Variants in NDE1 observed in about 807,000 individuals in gnomAD.
The protein encoded by NDE1 is nuclear distribution protein nudE homolog 1.
Under a neutral mutation model 43.4 loss-of-function variants are expected in NDE1, and 28 were observed. That is an observed-to-expected ratio of 0.65 (90% CI 0.48 to 0.89). The LOEUF is 0.89. Ranked by LOEUF, NDE1 falls within the 40% of genes least tolerant of loss-of-function variation. The probability of loss-of-function intolerance (pLI) is 0.00; values close to 1 mark genes in which losing one functional copy is unlikely to be tolerated. For missense variants in NDE1, 441 were observed against 434.1 expected, an observed-to-expected ratio of 1.02 and a Z score of -0.14; for synonymous variants, 184 against 172.0, an observed-to-expected ratio of 1.07 and a Z score of -0.55.
At chr16:15,699,907 G>C in intron 8 of NDE1, 1 of 1,261,760 alleles carries the variant, frequency 7.9e-7, no homozygotes, top group Non-Finnish European at 1.0e-6. Flanking sequence ...TTTGTTTTAA[G>C]TTAGTTTGAG....
chr16:15,649,013 T>C (rs2036389717), upstream of NDE1, among the ~76,000 whole-genome samples: 1 of 151,784 alleles, frequency 6.6e-6, no homozygotes, highest in African/African-American at 2.4e-5. Context: ...CTGGCCAACA[T>C]GGTGAAACCC....
chr16:15,717,595 GA>G (rs2040230860), intron 8 of NDE1: 1 of 586,350 alleles, frequency 1.7e-6, no homozygotes, highest in South Asian at 2.1e-5. Flanking sequence ...AGGAGTTCGA[GA>G]CCTGCCTGGC....
intron 8 of NDE1, among the ~76,000 whole-genome samples, chr16:15,698,877 T>A (rs970787335): frequency 1.7e-4 from 24 of 145,108 alleles, no homozygotes; most frequent in Admixed American, 5.3e-4. Flanking sequence ...AAAAAAAAAA[T>A]TAATTTTTGT....
chr16:15,714,810 G>C lies in NDE1; in HGVS notation c.948-9381G>C. 4 of 1,431,720 alleles carry C rather than the reference G, an allele frequency of 2.8e-6. No individual in the cohort carries two copies. The South Asian group carries it at 4.6e-5, about 16-fold the overall frequency. The allele number at this position is 1,431,720 out of a possible 1,614,324, so 88.7% of individuals were successfully genotyped here. On this transcript the variant is annotated intron_variant, in intron 8 of 8. Transcript: ENST00000396354. The stretch of plus-strand genomic sequence containing the variant: ...TAAACCACAGAAGGGAGTGGCGGCT[G>C]TGGGCACAAGGGGCATTTGCAGGCC...
chr16:15,713,851 T>A (rs1000073725), intron 8 of NDE1: 2 of 152,528 alleles, frequency 1.3e-5, no homozygotes, highest in Admixed American at 1.3e-4. Flanking sequence ...GGGAACCGGA[T>A]GTTGAGGATG....
Position 15,675,389 on chromosome 16 carries a change from G to T in NDE1, c.238-2412G>T, listed in dbSNP as rs924510296. 2.0e-5 allele frequency among the ~76,000 whole-genome samples: 3 copies of T among 151,016 alleles called. No individual in the cohort carries two copies. In the Admixed American group the frequency reaches 2.0e-4, roughly 10 times the overall value. On this transcript the variant is annotated intron_variant, in intron 3 of 8. Transcript: ENST00000396354. Reference sequence around the variant, plus strand: ...AATTTTTTGTATTTTTAGTAGATACGGGGTTTCGCCATGTTGCCAGGCTGG... The same window carrying T: ...AATTTTTTGTATTTTTAGTAGATACTGGGTTTCGCCATGTTGCCAGGCTGG...
intron 8 of NDE1, among the ~76,000 whole-genome samples, chr16:15,719,874 G>A (rs62029308): frequency 0.012 from 1,867 of 152,260 alleles, 20 homozygotes; most frequent in Non-Finnish European, 0.021. Flanking sequence ...GGCTGGTGGT[G>A]CGCTGGGAGC....
At chr16:15,686,997 A>G in intron 4 of NDE1, 2 of 985,336 alleles carry the variant, frequency 2.0e-6, no homozygotes, top group Non-Finnish European at 2.4e-6. Context: ...TTGCCCAGTC[A>G]TATTAGGTTA....
chr16:15,676,704 C>T lies in NDE1; in HGVS notation c.238-1097C>T, dbSNP rs538573958. 2.0e-5 allele frequency among the ~76,000 whole-genome samples: 3 copies of T among 152,202 alleles called. No individual in the cohort carries two copies. In the South Asian group the frequency reaches 6.2e-4, roughly 32 times the overall value. ...TTCCTTTTGAGGCAGCAGGGAGTTG[C>T]CCAGGCCGGAGTGCAGTGGTGCCTT... On this transcript the variant is annotated intron_variant, in intron 3 of 8. Transcript: ENST00000396354.
chr16:15,707,739 A>G (rs1262923545), intron 8 of NDE1, among the ~76,000 whole-genome samples: 2 of 152,198 alleles, frequency 1.3e-5, no homozygotes, highest in Non-Finnish European at 2.9e-5. Context: ...GGGGAGGCCA[A>G]GGCGCGCGGA....
chr16:15,696,986 C>A, intron 8 of NDE1, 126 bp downstream of exon 8: 1 of 1,539,522 alleles, frequency 6.5e-7, no homozygotes, highest in South Asian at 1.2e-5. Flanking sequence ...CAAACCTTAT[C>A]CTCTCCTCTG....
chr16:15,726,164 C>T lies in NDE1; in HGVS notation c.*1913C>T, dbSNP rs1044511256. 2 of 157,038 alleles carry T rather than the reference C, an allele frequency of 1.3e-5. No individual in the cohort carries two copies. The highest frequency in any genetic ancestry group is 2.8e-5 in the Non-Finnish European group (2 of 71,608). The allele number at this position is 157,038 out of a possible 1,614,324, so 9.7% of individuals were successfully genotyped here. On this transcript the variant is annotated 3_prime_UTR_variant, in exon 9 of 9. Transcript: ENST00000396354. Reference sequence around the variant, plus strand: ...TACACTTGGGCATCATGTGCCTTCCCTTTGCTGCATCATTTGACATTCATT... The same window carrying T: ...TACACTTGGGCATCATGTGCCTTCCTTTTGCTGCATCATTTGACATTCATT...
At chr16:15,670,905 C>T (rs1045190650) in intron 3 of NDE1, among the ~76,000 whole-genome samples, 7 of 152,004 alleles carry the variant, frequency 4.6e-5, no homozygotes, top group Admixed American at 2.0e-4. Context: ...TGGGGCAGGG[C>T]GGAGGAGAGG....
intron 8 of NDE1, among the ~76,000 whole-genome samples, chr16:15,698,895 C>T (rs535148045): frequency 6.6e-6 from 1 of 151,626 alleles, no homozygotes; most frequent in Non-Finnish European, 1.5e-5. Context: ...TGTTTGTTTT[C>T]TTTCTACGAG....
upstream of NDE1, among the ~76,000 whole-genome samples, chr16:15,647,492 G>A (rs2036353581): frequency 6.6e-6 from 1 of 150,704 alleles, no homozygotes; most frequent in African/African-American, 2.5e-5. Flanking sequence ...ATCACCTGTG[G>A]TTCAGTTGCA....
chr16:15,669,659 T>C (rs1011855896), intron 3 of NDE1, among the ~76,000 whole-genome samples: 2 of 150,824 alleles, frequency 1.3e-5, no homozygotes, highest in Admixed American at 6.6e-5. Context: ...CACGCCCGGC[T>C]AATTTTTGTA....
chr16:15,704,498 A>AT (rs1382082068), intron 8 of NDE1, among the ~76,000 whole-genome samples: 2 of 152,112 alleles, frequency 1.3e-5, no homozygotes, highest in Non-Finnish European at 2.9e-5. Flanking sequence ...CAAGCAGGGG[A>AT]TTTTGTCTTC....
intron 8 of NDE1, among the ~76,000 whole-genome samples, chr16:15,709,068 G>A (rs1003775995): frequency 3.3e-5 from 5 of 151,856 alleles, no homozygotes; most frequent in African/African-American, 4.8e-5. Context: ...TCAGCCTCCC[G>A]AGTAGCTGGG....
intron 1 of NDE1, among the ~76,000 whole-genome samples, chr16:15,644,079 A>G (rs1304874675): frequency 6.6e-6 from 1 of 152,200 alleles, no homozygotes; most frequent in Non-Finnish European, 1.5e-5. Context: ...CTACCAGCTG[A>G]TTACTATTTT....
Sources: gnomAD v4.1 joint callset for allele counts (sites outside exome capture counted in the v4.1 genomes callset) on GRCh38, gnomAD v4.1.1 for gene constraint, MANE v1.5 for transcripts, NCBI Gene and HGNC (gene_info 2026-07-23, HGNC 2026-07-21) for gene names.